TOP6BL: variants seen among roughly 807,000 people sequenced by gnomAD.
The protein encoded by TOP6BL is TOP6B like initiator of meiotic double strand breaks.
the TOP6BL span, among the ~76,000 whole-genome samples, chr11:66,748,814 T>C: frequency 6.6e-6 from 1 of 151,486 alleles, no homozygotes; most frequent in Non-Finnish European, 1.5e-5. Context: ...ACAGCTAAAT[T>C]ATATTACATT....
chr11:66,803,611 G>C, the TOP6BL span, among the ~76,000 whole-genome samples: 2 of 152,248 alleles, frequency 1.3e-5, no homozygotes. Flanking sequence ...CTTTAGTAGA[G>C]ATGGAGTTTC....
chr11:66,762,833 T>C, the TOP6BL span, among the ~76,000 whole-genome samples: 1 of 152,210 alleles, frequency 6.6e-6, no homozygotes, highest in African/African-American at 2.4e-5. Flanking sequence ...AGTTACAAGA[T>C]GAATACTCTA....
At chr11:66,801,291 A>T in the TOP6BL span, 1 of 601,924 alleles carries the variant, frequency 1.7e-6, no homozygotes, top group Non-Finnish European at 2.9e-6. Context: ...TATGTATTTG[A>T]ATCTATTCTA....
chr11:66,836,858 G>A, the TOP6BL span, among the ~76,000 whole-genome samples: 10 of 151,290 alleles, frequency 6.6e-5, no homozygotes, highest in South Asian at 4.2e-4. Context: ...GCGCCACCAC[G>A]CCTGGCTAAT....
At chr11:66,825,007 C>A in the TOP6BL span, among the ~76,000 whole-genome samples, 13 of 151,842 alleles carry the variant, frequency 8.6e-5, no homozygotes, top group African/African-American at 3.1e-4. Flanking sequence ...TTCTAGATCC[C>A]TGAGGAATCG....
At chr11:66,838,231 A>G in the TOP6BL span, 1 of 677,452 alleles carries the variant, frequency 1.5e-6, no homozygotes, top group African/African-American at 1.8e-5. Context: ...GGGATTCATG[A>G]GCCAGGAGGA....
the TOP6BL span, chr11:66,761,868 T>A: frequency 2.1e-6 from 2 of 963,352 alleles, no homozygotes; most frequent in Non-Finnish European, 3.4e-6. Flanking sequence ...ATAATGACAG[T>A]CCAGCACAAG....
At chr11:66,834,502 A>T in the TOP6BL span, among the ~76,000 whole-genome samples, 1 of 152,204 alleles carries the variant, frequency 6.6e-6, no homozygotes, top group South Asian at 2.1e-4. Flanking sequence ...CCTCTGGGCC[A>T]TTCTGTTTCC....
the TOP6BL span, among the ~76,000 whole-genome samples, chr11:66,793,439 T>C: frequency 6.8e-6 from 1 of 147,748 alleles, no homozygotes; most frequent in African/African-American, 2.5e-5. Context: ...ATTTTTTCTT[T>C]TTTTGTTTTT....
chr11:66,757,066 G>A, the TOP6BL span, among the ~76,000 whole-genome samples: 1 of 151,788 alleles, frequency 6.6e-6, no homozygotes, highest in African/African-American at 2.4e-5. Flanking sequence ...GGCGGGTGCA[G>A]GCACTGTGGC....
At chr11:66,815,942 T>TA in the TOP6BL span, 1 of 1,109,212 alleles carries the variant, frequency 9.0e-7, no homozygotes, top group Non-Finnish European at 1.3e-6. Flanking sequence ...TGTTCAGATT[T>TA]AGATCTCCTA....
the TOP6BL span, chr11:66,804,215 T>C: frequency 6.4e-7 from 1 of 1,560,736 alleles, no homozygotes; most frequent in East Asian, 2.3e-5. Context: ...AAAAGTTCCA[T>C]CCAATTATCT....
At chr11:66,756,339 T>C in the TOP6BL span, 1 of 1,191,798 alleles carries the variant, frequency 8.4e-7, no homozygotes, top group South Asian at 1.5e-5. Flanking sequence ...TTTCCCCCCT[T>C]TTTTTTTTCT....
chr11:66,803,922 A>G, the TOP6BL span: 1 of 1,314,918 alleles, frequency 7.6e-7, no homozygotes, highest in Non-Finnish European at 1.1e-6. Context: ...TTACAAAAAT[A>G]ATTTTGAATG....
At chr11:66,804,096 A>G in the TOP6BL span, 1 of 1,613,962 alleles carries the variant, frequency 6.2e-7, no homozygotes, top group Non-Finnish European at 8.5e-7. Flanking sequence ...GCTGGCATGG[A>G]CTTGTTGGGA....
At chr11:66,785,289 T>C in the TOP6BL span, among the ~76,000 whole-genome samples, 1 of 152,098 alleles carries the variant, frequency 6.6e-6, no homozygotes, top group Admixed American at 6.6e-5. Flanking sequence ...CCCCATTACT[T>C]TCTGTTTAAT....
the TOP6BL span, among the ~76,000 whole-genome samples, chr11:66,807,013 A>G: frequency 6.6e-6 from 1 of 152,196 alleles, no homozygotes; most frequent in African/African-American, 2.4e-5. Flanking sequence ...AAGACAGACA[A>G]ATTTTTTGTC....
the TOP6BL span, among the ~76,000 whole-genome samples, chr11:66,762,718 C>T: frequency 6.6e-6 from 1 of 152,194 alleles, no homozygotes; most frequent in Non-Finnish European, 1.5e-5. Context: ...ATCCGCCTGC[C>T]TCGGCCTGCC....
chr11:66,801,243 A>G, the TOP6BL span: 1 of 808,654 alleles, frequency 1.2e-6, no homozygotes, highest in Non-Finnish European at 1.9e-6. Flanking sequence ...CAGAAGTAAA[A>G]CTTTTTTTTA....
Sources: gnomAD v4.1 joint callset for allele counts (sites outside exome capture counted in the v4.1 genomes callset) on GRCh38, gnomAD v4.1.1 for gene constraint, MANE v1.5 for transcripts, NCBI Gene and HGNC (gene_info 2026-07-23, HGNC 2026-07-21) for gene names.